Variants in VAT1L observed in about 807,000 individuals in gnomAD.
VAT1L encodes putative NADPH-dependent quinone oxidoreductase VAT1L.
In VAT1L, 34 loss-of-function variants were observed where a neutral mutation model predicts 44.1. The ratio of observed to expected loss-of-function variants is 0.77; its 90% CI spans 0.59 to 1.03. The LOEUF (loss-of-function observed/expected upper bound fraction) is 1.03, where lower values mean the gene tolerates loss of function less well. VAT1L is among the 50% of genes least tolerant of loss of function. The pLI is 0.00. For synonymous variants in VAT1L, 253 were observed against 202.2 expected (o/e 1.25, Z -2.13); for missense variants, 615 against 538.8 (o/e 1.14, Z -1.40).
intron 7 of VAT1L, among the ~76,000 whole-genome samples, chr16:77,899,600 G>A (rs1248079616): frequency 1.3e-5 from 2 of 152,196 alleles, no homozygotes; most frequent in African/African-American, 2.4e-5. Flanking sequence ...CTTCCAAAAT[G>A]TGTGTCATTT....
At chr16:77,917,187 A>G (rs929424502) in intron 7 of VAT1L, among the ~76,000 whole-genome samples, 1 of 152,150 alleles carries the variant, frequency 6.6e-6, no homozygotes, top group Non-Finnish European at 1.5e-5. Flanking sequence ...AAGAGGGGAG[A>G]AAAAGAAATC....
intron 3 of VAT1L, among the ~76,000 whole-genome samples, chr16:77,827,603 T>G (rs2016536773): frequency 6.6e-6 from 1 of 152,234 alleles, no homozygotes; most frequent in African/African-American, 2.4e-5. Context: ...TAGCACAGGC[T>G]ATGTTGTCCT....
intron 1 of VAT1L, among the ~76,000 whole-genome samples, chr16:77,795,040 TAA>T (rs1281832355): frequency 6.6e-6 from 1 of 152,094 alleles, no homozygotes; most frequent in Non-Finnish European, 1.5e-5. Flanking sequence ...AACAAAGAAA[TAA>T]GTTTTGACCC....
chr16:77,896,719 C>A (rs2017328671), intron 7 of VAT1L, among the ~76,000 whole-genome samples: 1 of 152,214 alleles, frequency 6.6e-6, no homozygotes, highest in Admixed American at 6.5e-5. Flanking sequence ...TTCATCTACA[C>A]CAGGAGACCA....
intron 1 of VAT1L, among the ~76,000 whole-genome samples, chr16:77,802,755 C>A (rs1241947045): frequency 2.0e-5 from 3 of 152,122 alleles, no homozygotes; most frequent in Admixed American, 6.5e-5. Flanking sequence ...GCTGCTCCCT[C>A]CAAACTCTCC....
At chr16:77,844,098 C>A (rs952042338) in intron 3 of VAT1L, among the ~76,000 whole-genome samples, 1 of 152,202 alleles carries the variant, frequency 6.6e-6, no homozygotes, top group African/African-American at 2.4e-5. Flanking sequence ...TATACACACA[C>A]ACACATATAC....
chr16:77,853,248 C>T (rs1354853973), intron 3 of VAT1L, among the ~76,000 whole-genome samples: 1 of 152,168 alleles, frequency 6.6e-6, no homozygotes, highest in Non-Finnish European at 1.5e-5. Context: ...CTTCTCTGAT[C>T]ACAGAAGACT....
chr16:77,824,128 G>A (rs1317367011), intron 2 of VAT1L, among the ~76,000 whole-genome samples: 1 of 152,220 alleles, frequency 6.6e-6, no homozygotes, highest in Admixed American at 6.5e-5. Flanking sequence ...ACATTTTTGA[G>A]AAGTCCTAAA....
At chr16:77,894,246 C>A (rs541359374) in intron 7 of VAT1L, among the ~76,000 whole-genome samples, 18 of 152,350 alleles carry the variant, frequency 1.2e-4, no homozygotes, top group African/African-American at 4.3e-4. Context: ...AAAGGAACCA[C>A]CACGGCCATC....
chr16:77,843,438 C>A (rs1448109976), intron 3 of VAT1L, among the ~76,000 whole-genome samples: 1 of 152,184 alleles, frequency 6.6e-6, no homozygotes, highest in Admixed American at 6.5e-5. Context: ...TTAGCAAATA[C>A]AAATTTTATC....
chr16:77,934,966 G>T (rs1170962063), intron 7 of VAT1L, among the ~76,000 whole-genome samples: 3 of 152,010 alleles, frequency 2.0e-5, no homozygotes, highest in Admixed American at 2.0e-4. Flanking sequence ...CCTTGAAAAG[G>T]GACCCTAGTC....
chr16:77,869,191 T>A (rs1474864820), intron 4 of VAT1L, among the ~76,000 whole-genome samples: 1 of 152,080 alleles, frequency 6.6e-6, no homozygotes, highest in African/African-American at 2.4e-5. Context: ...AACGAGAGAA[T>A]GACCTATGAC....
At chr16:77,976,941 G>A (rs1046974484) in intron 8 of VAT1L, among the ~76,000 whole-genome samples, 2 of 152,290 alleles carry the variant, frequency 1.3e-5, no homozygotes, top group Admixed American at 6.5e-5. Flanking sequence ...TGTTCTGGTT[G>A]TTGTGTCTGC....
intron 7 of VAT1L, among the ~76,000 whole-genome samples, chr16:77,935,363 T>G (rs1226299078): frequency 6.6e-6 from 1 of 152,074 alleles, no homozygotes; most frequent in Non-Finnish European, 1.5e-5. Flanking sequence ...GAACTCATAT[T>G]GTAGAGAATT....
At chr16:77,826,130 C>T (rs1191975921) in intron 3 of VAT1L, among the ~76,000 whole-genome samples, 3 of 149,604 alleles carry the variant, frequency 2.0e-5, no homozygotes, top group African/African-American at 7.3e-5. Context: ...TGGCGTGAAC[C>T]CGGGAGGCAG....
chr16:77,798,780 G>A, intron 1 of VAT1L, among the ~76,000 whole-genome samples: 1 of 152,198 alleles, frequency 6.6e-6, no homozygotes. Context: ...GAAGGGACAA[G>A]CGAGGAAATG....
chr16:77,789,918 C>A (rs1484331087), intron 1 of VAT1L, among the ~76,000 whole-genome samples: 1 of 152,164 alleles, frequency 6.6e-6, no homozygotes, highest in Non-Finnish European at 1.5e-5. Flanking sequence ...CTGGACCCAA[C>A]ACTAGGTTTG....
chr16:77,973,697 A>C (rs890702268), intron 8 of VAT1L, among the ~76,000 whole-genome samples: 2 of 151,874 alleles, frequency 1.3e-5, no homozygotes, highest in African/African-American at 4.8e-5. Context: ...AAAGAACTAA[A>C]ATTTCTTGCA....
rs2018378206 is a variant in VAT1L at position 77,979,606 on chromosome 16, A to T, written c.*1911A>T. 6.6e-6 allele frequency: 1 copy of T among 152,034 alleles called. No homozygotes were observed. Among genetic ancestry groups the T allele is most frequent in the Admixed American group, 6.6e-5 (1 of 15,250 alleles). 9.4% of individuals were successfully genotyped at this position (152,034 alleles called of 1,614,324 possible). A position where few individuals can be genotyped will look rare whatever the true frequency, so the allele number is the denominator to read the frequency against. ...GGCTCTCCTTCCCCCGGGGAGTGGG[A>T]ACTCAGCCACATTCAGAATTCACAT... On this transcript the variant is annotated 3_prime_UTR_variant, in exon 9 of 9. Coordinates refer to ENST00000302536, the MANE Select transcript of VAT1L (RefSeq NM_020927.3).
Sources: gnomAD v4.1 joint callset for allele counts (sites outside exome capture counted in the v4.1 genomes callset) on GRCh38, gnomAD v4.1.1 for gene constraint, MANE v1.5 for transcripts, NCBI Gene and HGNC (gene_info 2026-07-23, HGNC 2026-07-21) for gene names.